CSMD3: variants seen among roughly 807,000 people sequenced by gnomAD.
The protein encoded by CSMD3 is CUB and sushi domain-containing protein 3.
CSMD3 carries 177 observed loss-of-function variants against 435.2 expected under a neutral mutation model. The ratio of observed to expected loss-of-function variants is 0.41; its 90% CI spans 0.36 to 0.46. The LOEUF is 0.46. CSMD3 is among the 20% of genes least tolerant of loss of function. The pLI is 0.34. For synonymous variants in CSMD3, 1,656 were observed against 1,520.5 expected, an observed-to-expected ratio of 1.09 and a Z score of -2.07; for missense variants, 4,265 against 4,504.6, an observed-to-expected ratio of 0.95 and a Z score of 1.52.
chr8:112,457,769 C>T (rs1816983192), intron 32 of CSMD3, among the ~76,000 whole-genome samples: 1 of 151,918 alleles, frequency 6.6e-6, no homozygotes, highest in Non-Finnish European at 1.5e-5. Context: ...CTTATCTTGG[C>T]TGTAAGATAA....
chr8:113,436,573 A>T (rs1317374531), intron 1 of CSMD3, 104 bp downstream of exon 1: 29 of 1,025,596 alleles, frequency 2.8e-5, no homozygotes, highest in Non-Finnish European at 4.3e-5. Flanking sequence ...GTATTATCAG[A>T]TTATTTTATC....
At chr8:113,302,660 C>T (rs184279314) in intron 2 of CSMD3, among the ~76,000 whole-genome samples, 28 of 151,770 alleles carry the variant, frequency 1.8e-4, no homozygotes, top group African/African-American at 6.5e-4. Flanking sequence ...ATGAGAAAAC[C>T]ACATGATTAT....
chr8:112,720,659 GA>G (rs1165930910), intron 13 of CSMD3, among the ~76,000 whole-genome samples: 5 of 152,002 alleles, frequency 3.3e-5, no homozygotes, highest in Non-Finnish European at 7.4e-5. Context: ...GGATGTGACT[GA>G]TTGGCTCAAC....
At position 113,015,544 on chromosome 8, in the gene CSMD3, A is replaced by T. The variant is rs577840904; in HGVS notation, c.1030+3523T>A. ...ATATTTACATATTTAAAATTGATTA[A>T]ATACTGCAATGCCTAAACTTACATG... On this transcript the variant is annotated intron_variant, in intron 6 of 70. Coordinates refer to ENST00000297405, the MANE Select transcript of CSMD3 (RefSeq NM_198123.2). Among the ~76,000 whole-genome samples the T allele has an allele frequency of 6.8e-4, 104 of 152,028 alleles. 1 individual carries two copies. The highest frequency in any genetic ancestry group is 1.2e-3 in the Admixed American group (19 of 15,250).
chr8:112,351,788 G>A (rs1269552773), intron 39 of CSMD3, among the ~76,000 whole-genome samples: 1 of 151,780 alleles, frequency 6.6e-6, no homozygotes, highest in East Asian at 1.9e-4. Flanking sequence ...TTTCTCTGAA[G>A]AATTTATTTA....
chr8:112,589,887 C>A (rs938489416), intron 22 of CSMD3, among the ~76,000 whole-genome samples: 14 of 151,962 alleles, frequency 9.2e-5, no homozygotes, highest in African/African-American at 3.4e-4. Flanking sequence ...GAGAGTATAC[C>A]GCTATCACTG....
At chr8:113,199,821 A>T (rs1466557853) in intron 3 of CSMD3, among the ~76,000 whole-genome samples, 1 of 151,888 alleles carries the variant, frequency 6.6e-6, no homozygotes, top group East Asian at 1.9e-4. Flanking sequence ...GAATACATTA[A>T]AAAAATGACT....
intron 13 of CSMD3, among the ~76,000 whole-genome samples, chr8:112,717,454 A>G (rs2076758930): frequency 6.6e-6 from 1 of 152,208 alleles, no homozygotes; most frequent in Non-Finnish European, 1.5e-5. Context: ...ATGCTTTTAC[A>G]CTGTTGTTGG....
intron 30 of CSMD3, among the ~76,000 whole-genome samples, chr8:112,496,660 A>G (rs911234613): frequency 6.6e-6 from 1 of 152,200 alleles, no homozygotes; most frequent in African/African-American, 2.4e-5. Context: ...ACATGGATGG[A>G]ACTGGAGGAC....
At chr8:113,085,667 T>C (rs1351884769) in intron 5 of CSMD3, among the ~76,000 whole-genome samples, 2 of 152,160 alleles carry the variant, frequency 1.3e-5, no homozygotes, top group Non-Finnish European at 2.9e-5. Flanking sequence ...TTAAGTGAAA[T>C]GTCACCCATG....
intron 30 of CSMD3, among the ~76,000 whole-genome samples, chr8:112,500,305 G>A (rs992808181): frequency 1.3e-5 from 2 of 152,104 alleles, no homozygotes; most frequent in African/African-American, 4.8e-5. Flanking sequence ...GTGAAATCAT[G>A]AATGAAAGGA....
intron 2 of CSMD3, among the ~76,000 whole-genome samples, chr8:113,281,620 T>C (rs1187674994): frequency 2.0e-5 from 3 of 151,966 alleles, no homozygotes; most frequent in African/African-American, 4.8e-5. Context: ...TCTGCAGTTA[T>C]GTATCTTTTA....
intron 31 of CSMD3, among the ~76,000 whole-genome samples, chr8:112,485,160 C>A (rs947378860): frequency 6.6e-6 from 1 of 152,042 alleles, no homozygotes; most frequent in African/African-American, 2.4e-5. Context: ...TTCTTGTTTC[C>A]ATTTAAATAA....
chr8:112,319,817 T>C (rs1822823147), intron 46 of CSMD3, 84 bp downstream of exon 46: 1 of 942,164 alleles, frequency 1.1e-6, no homozygotes, highest in Non-Finnish European at 1.8e-6. Flanking sequence ...AGACAGGCTA[T>C]TACTATTCTG....
At chr8:112,747,125 G>A (rs986623839) in intron 13 of CSMD3, among the ~76,000 whole-genome samples, 1 of 120,800 alleles carries the variant, frequency 8.3e-6, no homozygotes, top group Non-Finnish European at 1.6e-5. Flanking sequence ...TTCCCATAAT[G>A]TTCTCTCATT....
At chr8:112,803,654 C>G (rs2079012102) in intron 12 of CSMD3, among the ~76,000 whole-genome samples, 1 of 152,000 alleles carries the variant, frequency 6.6e-6, no homozygotes, top group Non-Finnish European at 1.5e-5. Flanking sequence ...GAAAATAAGC[C>G]AAAAAGTCAT....
At chr8:113,080,037 T>G (rs1275555109) in intron 5 of CSMD3, among the ~76,000 whole-genome samples, 1 of 152,134 alleles carries the variant, frequency 6.6e-6, no homozygotes, top group African/African-American at 2.4e-5. Flanking sequence ...GTTTTTGGAA[T>G]TTTCACTCAT....
chr8:113,059,069 A>G (rs750616227), intron 5 of CSMD3, among the ~76,000 whole-genome samples: 1 of 152,160 alleles, frequency 6.6e-6, no homozygotes, highest in African/African-American at 2.4e-5. Flanking sequence ...TTTATTATAC[A>G]TAGCAGAAAG....
chr8:112,394,704 G>C (rs1254141368), intron 35 of CSMD3, among the ~76,000 whole-genome samples: 1 of 152,062 alleles, frequency 6.6e-6, no homozygotes, highest in Admixed American at 6.6e-5. Context: ...GTGTCTTGTT[G>C]CAACTCCAGC....
Sources: gnomAD v4.1 joint callset for allele counts (sites outside exome capture counted in the v4.1 genomes callset) on GRCh38, gnomAD v4.1.1 for gene constraint, MANE v1.5 for transcripts, NCBI Gene and HGNC (gene_info 2026-07-23, HGNC 2026-07-21) for gene names.